Variants in ZNF112 observed in about 807,000 individuals in gnomAD.
The protein encoded by ZNF112 is zinc finger protein 112 (Y14).
A neutral mutation model predicts 77.7 loss-of-function variants in ZNF112; 37 were observed. That is an observed-to-expected ratio of 0.48 (90% CI 0.37 to 0.63). The LOEUF (loss-of-function observed/expected upper bound fraction) is 0.63, where lower values mean the gene tolerates loss of function less well. ZNF112 is among the 20% of genes least tolerant of loss of function. ZNF112 has a pLI of 0.00. For missense variants in ZNF112, 950 were observed against 1,077.4 expected (o/e 0.88, Z 1.66); for synonymous variants, 333 against 363.6 (o/e 0.92, Z 0.96).
chr19:44,339,358 T>C (rs1004433226), intron 2 of ZNF112, among the ~76,000 whole-genome samples: 8 of 152,176 alleles, frequency 5.3e-5, no homozygotes, highest in African/African-American at 7.2e-5. Flanking sequence ...ATGTGATTTA[T>C]AGTAGGGGCT....
intron 3 of ZNF112, among the ~76,000 whole-genome samples, chr19:44,333,887 C>T (rs1821459): frequency 0.65 from 98,525 of 151,968 alleles, 32,066 homozygotes; most frequent in Admixed American, 0.75. Context: ...TACCTGAAAA[C>T]GTGGAAGTCA....
At chr19:44,363,426 A>T (rs546303324) in intron 1 of ZNF112, among the ~76,000 whole-genome samples, 2 of 152,176 alleles carry the variant, frequency 1.3e-5, no homozygotes, top group African/African-American at 4.8e-5. Flanking sequence ...TACCCCACAA[A>T]TTCCCTCATG....
At chr19:44,366,162 C>A (rs1401982528) in intron 1 of ZNF112, among the ~76,000 whole-genome samples, 1 of 151,976 alleles carries the variant, frequency 6.6e-6, no homozygotes, top group Non-Finnish European at 1.5e-5. Context: ...CCATCCTGGG[C>A]AACACAGTAA....
chr19:44,365,943 A>T (rs1481980600), intron 1 of ZNF112, among the ~76,000 whole-genome samples: 1 of 152,222 alleles, frequency 6.6e-6, no homozygotes, highest in East Asian at 1.9e-4. Context: ...AAAAGCATGC[A>T]AATTTATTTA....
At chr19:44,336,913 C>T (rs1169887191) in intron 2 of ZNF112, among the ~76,000 whole-genome samples, 195 bp from the exon 3 acceptor site, 2 of 151,338 alleles carry the variant, frequency 1.3e-5, no homozygotes, top group Non-Finnish European at 2.9e-5. Context: ...CACTTTTCTG[C>T]CTGTGCCAGC....
chr19:44,353,308 A>G (rs1970725868), intron 1 of ZNF112, among the ~76,000 whole-genome samples: 1 of 152,122 alleles, frequency 6.6e-6, no homozygotes, highest in African/African-American at 2.4e-5. Flanking sequence ...CTAGAACAAG[A>G]GAAAATCTTC....
intron 3 of ZNF112, among the ~76,000 whole-genome samples, chr19:44,331,798 A>G (rs1178121512): frequency 1.3e-5 from 2 of 152,198 alleles, no homozygotes; most frequent in East Asian, 3.8e-4. Context: ...CATGTAATGT[A>G]GCTTTTTAAA....
chr19:44,336,675 T>C lies in ZNF112; in HGVS notation c.168A>G (p.Arg56=). The C allele has an allele frequency of 6.2e-7, 1 of 1,613,984 alleles. No homozygotes were observed. The highest frequency in any genetic ancestry group is 1.1e-5 in the South Asian group (1 of 91,066). The change falls in exon 3 of 4, where the codon AGA becomes AGG. Residue 56 remains arginine, a synonymous_variant. Transcript: ENST00000354340. ...FKPDLISQLE[R]EEKLLMVETE... ...TCTCCACCATCAAAAGCTTTTCTTC[T>C]CTCTCCAGCTGGGATATTAGGTCTG...
At chr19:44,351,958 T>C (rs1267251997) in intron 1 of ZNF112, among the ~76,000 whole-genome samples, 1 of 151,914 alleles carries the variant, frequency 6.6e-6, no homozygotes, top group African/African-American at 2.4e-5. Context: ...ATGTGAGAAA[T>C]CAAAGAGAAA....
intron 2 of ZNF112, among the ~76,000 whole-genome samples, chr19:44,339,440 A>G (rs1010940618): frequency 2.0e-5 from 3 of 152,240 alleles, no homozygotes; most frequent in Admixed American, 6.5e-5. Flanking sequence ...GTGGTCAATC[A>G]TATCTAGGTA....
In ZNF112 at chr19:44,327,845, T is replaced by A; in HGVS notation, c.2312A>T (p.Tyr771Phe). 6.2e-7 allele frequency: 1 copy of A among 1,614,024 alleles called. No individual in the cohort carries two copies. Among genetic ancestry groups the A allele is most frequent in the Non-Finnish European group, 8.5e-7 (1 of 1,179,912 alleles). Residue 771 changes from tyrosine to phenylalanine, a missense_variant, in exon 4 of 4, where the codon TAC becomes TTC. Tyr to Phe is a conservative substitution (Grantham distance 22). Transcript: ENST00000354340. The stretch of plus-strand genomic sequence containing the variant: ...ACCCTTTGTACACACCTCACATTTG[T>A]ATGGTTTCCCTCCTGTGTGAACCCT... ...HRRVHTGGKPYKCEVCTKGFS... is the reference protein window; with the variant it reads ...HRRVHTGGKPFKCEVCTKGFS...
chr19:44,347,680 T>G (rs1319712402), intron 1 of ZNF112, among the ~76,000 whole-genome samples: 4 of 151,970 alleles, frequency 2.6e-5, no homozygotes, highest in Non-Finnish European at 5.9e-5. Flanking sequence ...GTTTCCTTTA[T>G]CTCCCCACTT....
In ZNF112 at chr19:44,327,446, G is replaced by T; in HGVS notation, c.2711C>A (p.Ser904Tyr). ...CATTTGAGGACTTCAAAACAAAACA[G>T]AATCTTCATTTCTGTGTAGATTCTC... ...SSENLHRNED[S>Y]VLF is the part of the protein sequence containing the mutation. The change falls in exon 4 of 4, where the codon TCT becomes TAT. Residue 904 changes from serine to tyrosine, a missense_variant. This residue lies in a region of ZNF112 where 373 missense variants were observed against 482.8 expected (regional missense o/e 0.77). Transcript: ENST00000354340. 1 of 1,594,386 alleles carries T rather than the reference G, an allele frequency of 6.3e-7. No homozygotes were observed. Among genetic ancestry groups the T allele is most frequent in the South Asian group, 1.1e-5 (1 of 88,398 alleles).
chr19:44,344,056 G>T (rs79586796), intron 1 of ZNF112, among the ~76,000 whole-genome samples: 1,897 of 152,282 alleles, frequency 0.012, 36 homozygotes, highest in African/African-American at 0.042. Context: ...GAGCTCAGGG[G>T]AAGTTCAGTG....
chr19:44,328,990 G>A lies in ZNF112; in HGVS notation c.1167C>T (p.Val389=). Residue 389 remains valine, a synonymous_variant, in exon 4 of 4, where the codon GTC becomes GTT. Coordinates refer to ENST00000354340, the MANE Select transcript of ZNF112 (RefSeq NM_013380.4). ...CTTGAAGACATGAACTCTGATTAAA[G>A]ACATTCTCATTTTCCTCATATTCAT... The part of the protein sequence containing the change: ...EPHEYEENEN[V]FNQSSCLQVH... The A allele has an allele frequency of 6.2e-7, 1 of 1,613,920 alleles. No homozygotes were observed. Among genetic ancestry groups the A allele is most frequent in the Non-Finnish European group, 8.5e-7 (1 of 1,179,952 alleles).
chr19:44,346,075 G>A (rs1970583514), intron 1 of ZNF112, among the ~76,000 whole-genome samples: 1 of 152,196 alleles, frequency 6.6e-6, no homozygotes. Context: ...CACTGAGCTT[G>A]TATGTGCCCC....
intron 1 of ZNF112, chr19:44,343,321 G>C: frequency 6.4e-7 from 1 of 1,554,364 alleles, no homozygotes; most frequent in Non-Finnish European, 8.8e-7. Context: ...GCAGAACAGG[G>C]TAATACGAAA....
intron 2 of ZNF112, among the ~76,000 whole-genome samples, chr19:44,339,322 T>G (rs1191223819): frequency 6.6e-6 from 1 of 152,188 alleles, no homozygotes; most frequent in Non-Finnish European, 1.5e-5. Flanking sequence ...CCAGAAGCCT[T>G]GGGCCACACA....
chr19:44,357,200 AATTT>A (rs1214224741), upstream of ZNF112, among the ~76,000 whole-genome samples: 1 of 152,130 alleles, frequency 6.6e-6, no homozygotes, highest in Non-Finnish European at 1.5e-5. Context: ...CTAGAGTTTG[AATTT>A]ATTTTTCTTC....
Sources: gnomAD v4.1 joint callset for allele counts (sites outside exome capture counted in the v4.1 genomes callset) on GRCh38, gnomAD v4.1.1 for gene constraint, gnomAD v4.1.1 regional missense constraint, MANE v1.5 for transcripts, NCBI Gene and HGNC (gene_info 2026-07-23, HGNC 2026-07-21) for gene names.